Variants in PLEKHA3 observed in about 807,000 individuals in gnomAD.
The protein encoded by PLEKHA3 is pleckstrin homology domain-containing family A member 3.
A neutral mutation model predicts 39.2 loss-of-function variants in PLEKHA3; 19 were observed. The ratio of observed to expected loss-of-function variants is 0.48; its 90% CI spans 0.34 to 0.71. The LOEUF (loss-of-function observed/expected upper bound fraction) is 0.71, where lower values mean the gene tolerates loss of function less well. Ranked by LOEUF, PLEKHA3 falls within the 30% of genes least tolerant of loss-of-function variation. PLEKHA3 has a pLI of 0.01. For synonymous variants in PLEKHA3, 97 were observed against 118.6 expected, an observed-to-expected ratio of 0.82 and a Z score of 1.18; for missense variants, 253 against 359.5, an observed-to-expected ratio of 0.70 and a Z score of 2.40.
At chr2:178,490,520 C>G in intron 2 of PLEKHA3, 139 bp from the exon 3 acceptor site, 1 of 837,510 alleles carries the variant, frequency 1.2e-6, no homozygotes, top group Non-Finnish European at 1.8e-6. Flanking sequence ...CCTCAGGGAG[C>G]AGCACTGCCT....
At chr2:178,488,574 T>C (rs970440229) in intron 2 of PLEKHA3, among the ~76,000 whole-genome samples, 6 of 152,330 alleles carry the variant, frequency 3.9e-5, no homozygotes, top group Non-Finnish European at 8.8e-5. Flanking sequence ...GTTTTTGTTG[T>C]TGTTGTTGTT....
chr2:178,494,516 ATGT>A (rs1685408139), intron 4 of PLEKHA3, among the ~76,000 whole-genome samples: 1 of 152,180 alleles, frequency 6.6e-6, no homozygotes, highest in South Asian at 2.1e-4. Flanking sequence ...AAAGGCCAGC[ATGT>A]TGCCTGTCCC....
At chr2:178,481,172 T>C (rs1685157268) in intron 1 of PLEKHA3, among the ~76,000 whole-genome samples, 2 of 152,168 alleles carry the variant, frequency 1.3e-5, no homozygotes, top group Admixed American at 1.3e-4. Flanking sequence ...TCAGGAACAA[T>C]TCTCAGTCAC....
At chr2:178,481,532 G>A (rs1307155402) in intron 1 of PLEKHA3, among the ~76,000 whole-genome samples, 1 of 152,168 alleles carries the variant, frequency 6.6e-6, no homozygotes, top group Non-Finnish European at 1.5e-5. Context: ...GAACAGGCAA[G>A]TCACTTTCAC....
At chr2:178,491,975 C>T (rs1685354624) in intron 3 of PLEKHA3, among the ~76,000 whole-genome samples, 1 of 152,156 alleles carries the variant, frequency 6.6e-6, no homozygotes, top group Non-Finnish European at 1.5e-5. Flanking sequence ...TCACTCACTC[C>T]TTTGACGACC....
chr2:178,489,716 C>A (rs1685313660), intron 2 of PLEKHA3, among the ~76,000 whole-genome samples: 1 of 152,132 alleles, frequency 6.6e-6, no homozygotes, highest in Non-Finnish European at 1.5e-5. Flanking sequence ...TCAGTACATT[C>A]TGTGTTTATT....
intron 1 of PLEKHA3, among the ~76,000 whole-genome samples, chr2:178,482,552 C>CAA (rs557529546): frequency 0.23 from 20,643 of 89,120 alleles, 2,469 homozygotes; most frequent in East Asian, 0.63. Context: ...GATCCTGTCT[C>CAA]AAAAAAAAAA....
In PLEKHA3 at chr2:178,512,980, T is replaced by C. The variant is rs898196374; in HGVS notation, c.*9093T>C. The C allele has an allele frequency of 6.5e-6, 1 of 153,740 alleles. No homozygotes were observed. The highest frequency in any genetic ancestry group is 6.5e-5 in the Admixed American group (1 of 15,282). 9.5% of individuals were successfully genotyped at this position (153,740 alleles called of 1,614,324 possible). A position where few individuals can be genotyped will look rare whatever the true frequency, so the allele number is the denominator to read the frequency against. On this transcript the variant is annotated 3_prime_UTR_variant, in exon 8 of 8. Coordinates refer to ENST00000234453, the MANE Select transcript of PLEKHA3 (RefSeq NM_019091.4). Reference sequence around the variant, plus strand: ...GTATTGACTTTTAAATAGATGTACATTGCAATAGTTTGGATTAGCTCATCC... The same window carrying C: ...GTATTGACTTTTAAATAGATGTACACTGCAATAGTTTGGATTAGCTCATCC...
rs1052465145 is a variant in PLEKHA3, at chr2:178,515,243, T to C, written c.*11356T>C. ...TCTAGAGAAAACGAAAGACTCACTG[T>C]GTGAGTTTTCTTGCCCTCTGGTTTT... On this transcript the variant is annotated 3_prime_UTR_variant, in exon 8 of 8. Transcript: ENST00000234453. 3 of 152,116 alleles carry C rather than the reference T, an allele frequency of 2.0e-5. No individual in the cohort carries two copies. The East Asian group carries it at 5.8e-4, about 29-fold the overall frequency. The allele number at this position is 152,116 out of a possible 1,614,324, so 9.4% of individuals were successfully genotyped here.
rs550685075 is a variant in PLEKHA3 at position 178,506,664 on chromosome 2, T to C, written c.*2777T>C. ...GATTGCTGTTTACACTAATTCCATA[T>C]ACATGATAATACCACTAATTTGGAC... On this transcript the variant is annotated 3_prime_UTR_variant, in exon 8 of 8. Coordinates refer to ENST00000234453, the MANE Select transcript of PLEKHA3 (RefSeq NM_019091.4). 8.5e-5 allele frequency: 13 copies of C among 152,320 alleles called. No individual in the cohort carries two copies. Among genetic ancestry groups the C allele is most frequent in the African/African-American group, 2.4e-4 (10 of 41,580 alleles). The allele number at this position is 152,320 out of a possible 1,614,324, so 9.4% of individuals were successfully genotyped here.
chr2:178,490,538 G>A (rs1685327774), intron 2 of PLEKHA3, 121 bp from the exon 3 acceptor site: 1 of 1,035,972 alleles, frequency 9.7e-7, no homozygotes, highest in South Asian at 1.7e-5. Context: ...CCTGCATCAT[G>A]AATGATAGTT....
At chr2:178,482,444 C>T (rs1480619231) in intron 1 of PLEKHA3, among the ~76,000 whole-genome samples, 3 of 149,596 alleles carry the variant, frequency 2.0e-5, no homozygotes, top group East Asian at 4.0e-4. Flanking sequence ...GAGGCGGAGG[C>T]GAAAGGATTG....
Position 178,490,663 on chromosome 2 carries a change from T to G in PLEKHA3, c.162T>G (p.His54Gln). 1 of 1,612,718 alleles carries G rather than the reference T, an allele frequency of 6.2e-7. No individual in the cohort carries two copies. Among genetic ancestry groups the G allele is most frequent in the Non-Finnish European group, 8.5e-7 (1 of 1,179,220 alleles). Reference protein sequence around the residue: ...IKMAVCEIKVHSADNTRMELI... With the variant: ...IKMAVCEIKVQSADNTRMELI... The stretch of plus-strand genomic sequence containing the variant: ...CCCCTTTGTTTATCATCATAGTTCA[T>G]TCAGCAGACAACACAAGAATGGAAT... The change falls in exon 3 of 8, where the codon CAT (histidine) becomes CAG (glutamine). Residue 54 changes from histidine to glutamine, a missense_variant. Coordinates refer to ENST00000234453, the MANE Select transcript of PLEKHA3 (RefSeq NM_019091.4).
rs1045017111 is a variant in PLEKHA3 at position 178,515,989 on chromosome 2, T to G, written c.*12102T>G. On this transcript the variant is annotated 3_prime_UTR_variant, in exon 8 of 8. Transcript: ENST00000234453. ...GTTAGAAACATAAGCACATGAATTT[T>G]TTTGGCCTTTTAAATGTCTTTATTG... 2.0e-5 allele frequency: 3 copies of G among 151,822 alleles called. No individual in the cohort carries two copies. The highest frequency in any genetic ancestry group is 7.2e-5 in the African/African-American group (3 of 41,400). 9.4% of individuals were successfully genotyped at this position (151,822 alleles called of 1,614,324 possible). A position where few individuals can be genotyped will look rare whatever the true frequency, so the allele number is the denominator to read the frequency against.
chr2:178,487,998 G>C (rs929902484), intron 2 of PLEKHA3, among the ~76,000 whole-genome samples: 5 of 152,002 alleles, frequency 3.3e-5, no homozygotes, highest in Admixed American at 3.3e-4. Flanking sequence ...CTCTTGTCGG[G>C]AGTGTTAGCT....
rs548186964 is a variant in PLEKHA3 at position 178,509,290 on chromosome 2, T to G, written c.*5403T>G. 9.2e-4 allele frequency: 140 copies of G among 152,316 alleles called. No homozygotes were observed. Among genetic ancestry groups the G allele is most frequent in the African/African-American group, 3.1e-3 (129 of 41,584 alleles). The allele number at this position is 152,316 out of a possible 1,614,324, so 9.4% of individuals were successfully genotyped here. On this transcript the variant is annotated 3_prime_UTR_variant, in exon 8 of 8. Transcript: ENST00000234453. ...TATAAAAAATAAAAATTCTTTAGTATTAATTTGTAATTCATTCTAGTGATT... is the reference window on the plus strand; with the variant it reads ...TATAAAAAATAAAAATTCTTTAGTAGTAATTTGTAATTCATTCTAGTGATT...
At chr2:178,491,010 C>CTTTT (rs1204723389) in intron 3 of PLEKHA3, among the ~76,000 whole-genome samples, 196 bp downstream of exon 3, 134 of 129,470 alleles carry the variant, frequency 1.0e-3, no homozygotes, top group Non-Finnish European at 1.4e-3. Context: ...CTCTTTCTTT[C>CTTTT]TTTTTTTTTT....
At chr2:178,486,974 G>A (rs1685260193) in intron 2 of PLEKHA3, among the ~76,000 whole-genome samples, 1 of 152,220 alleles carries the variant, frequency 6.6e-6, no homozygotes, top group Admixed American at 6.5e-5. Flanking sequence ...CGTTGAAATG[G>A]TATGGCAAAC....
At position 178,480,755 on chromosome 2, in the gene PLEKHA3, C is replaced by G; in HGVS notation, c.-115C>G. On this transcript the variant is annotated 5_prime_UTR_variant, in exon 1 of 8. Coordinates refer to ENST00000234453, the MANE Select transcript of PLEKHA3 (RefSeq NM_019091.4). ...GGCGCGCGCAGGCAGAAAGCGGCTT[C>G]GTGCCGGCGGAGGGGGCCCGGGCGG... is the stretch of plus-strand genomic sequence containing the variant. 1.1e-6 allele frequency: 1 copy of G among 908,350 alleles called. No homozygotes were observed. Among genetic ancestry groups the G allele is most frequent in the Non-Finnish European group, 1.5e-6 (1 of 683,940 alleles). 56.3% of individuals were successfully genotyped at this position (908,350 alleles called of 1,614,324 possible). A position where few individuals can be genotyped will look rare whatever the true frequency, so the allele number is the denominator to read the frequency against.
Sources: gnomAD v4.1 joint callset for allele counts (sites outside exome capture counted in the v4.1 genomes callset) on GRCh38, gnomAD v4.1.1 for gene constraint, MANE v1.5 for transcripts, NCBI Gene and HGNC (gene_info 2026-07-23, HGNC 2026-07-21) for gene names.